UBTD1: variants seen among roughly 807,000 people sequenced by gnomAD.
UBTD1 encodes ubiquitin domain-containing protein 1.
Under a neutral mutation model 21.7 loss-of-function variants are expected in UBTD1, and 19 were observed. That is an observed-to-expected ratio of 0.87 (90% confidence interval 0.61 to 1.28). The LOEUF (loss-of-function observed/expected upper bound fraction) is 1.28. Ranked by LOEUF, UBTD1 falls within the 50% of genes most tolerant of loss-of-function variation. The pLI is 0.00. For missense variants in UBTD1, 282 were observed against 315.1 expected, an observed-to-expected ratio of 0.89 and a Z score of 0.80; for synonymous variants, 116 against 135.1, an observed-to-expected ratio of 0.86 and a Z score of 0.98.
intron 1 of UBTD1, among the ~76,000 whole-genome samples, chr10:97,506,999 GCTCT>G (rs1294092998): frequency 6.6e-6 from 1 of 152,222 alleles, no homozygotes; most frequent in African/African-American, 2.4e-5. Flanking sequence ...AAAGGTGAAT[GCTCT>G]CTGAGTCTCT....
At chr10:97,526,198 A>G (rs1283698664) in intron 1 of UBTD1, among the ~76,000 whole-genome samples, 1 of 152,096 alleles carries the variant, frequency 6.6e-6, no homozygotes, top group Non-Finnish European at 1.5e-5. Flanking sequence ...TCTAACAAGC[A>G]CTCTTGTGCA....
intron 1 of UBTD1, among the ~76,000 whole-genome samples, chr10:97,513,788 C>A (rs1396192372): frequency 1.3e-5 from 2 of 152,056 alleles, no homozygotes; most frequent in Non-Finnish European, 2.9e-5. Flanking sequence ...TTATAGTTCA[C>A]TGCAGCCTTG....
At chr10:97,565,671 G>A (rs759312646) in intron 1 of UBTD1, among the ~76,000 whole-genome samples, 3 of 151,872 alleles carry the variant, frequency 2.0e-5, no homozygotes, top group African/African-American at 7.3e-5. Context: ...AAAGACATCC[G>A]AATCTCAATT....
chr10:97,549,436 C>A (rs879650746), intron 1 of UBTD1, among the ~76,000 whole-genome samples: 1 of 152,252 alleles, frequency 6.6e-6, no homozygotes, highest in Non-Finnish European at 1.5e-5. Context: ...CCATTTCACT[C>A]GCCCGTGCAG....
At chr10:97,502,841 G>A (rs746274455) in intron 1 of UBTD1, among the ~76,000 whole-genome samples, 1 of 147,206 alleles carries the variant, frequency 6.8e-6, no homozygotes, top group Non-Finnish European at 1.5e-5. Context: ...GTGCGTATGT[G>A]TGTATACATA....
chr10:97,540,188 T>G (rs1457308011), intron 1 of UBTD1, among the ~76,000 whole-genome samples: 1 of 152,172 alleles, frequency 6.6e-6, no homozygotes, highest in African/African-American at 2.4e-5. Context: ...TTTTTGTGGG[T>G]TTTTGCTTTA....
intron 1 of UBTD1, among the ~76,000 whole-genome samples, chr10:97,505,883 A>G (rs1050113956): frequency 1.3e-5 from 2 of 152,250 alleles, no homozygotes; most frequent in Non-Finnish European, 2.9e-5. Context: ...CCACTAGATC[A>G]TTGAAGCTTA....
chr10:97,520,260 C>G (rs2040461315), intron 1 of UBTD1, among the ~76,000 whole-genome samples: 1 of 152,124 alleles, frequency 6.6e-6, no homozygotes, highest in Non-Finnish European at 1.5e-5. Flanking sequence ...TTGGATCAAA[C>G]CCTCATGGGG....
At chr10:97,564,721 G>T (rs577241158) in intron 1 of UBTD1, among the ~76,000 whole-genome samples, 7 of 152,172 alleles carry the variant, frequency 4.6e-5, no homozygotes, top group South Asian at 2.1e-4. Context: ...CTGCTGCCAC[G>T]CCCAGCTAAT....
At chr10:97,508,562 T>C (rs2040408639) in intron 1 of UBTD1, among the ~76,000 whole-genome samples, 1 of 152,210 alleles carries the variant, frequency 6.6e-6, no homozygotes, top group Admixed American at 6.5e-5. Context: ...CTCGTTCCAT[T>C]GTGCTGTGAG....
chr10:97,530,874 A>C (rs917811710), intron 1 of UBTD1, among the ~76,000 whole-genome samples: 1 of 151,700 alleles, frequency 6.6e-6, no homozygotes, highest in Non-Finnish European at 1.5e-5. Context: ...TATTTTAAAA[A>C]TTTTTTAAAT....
At chr10:97,562,344 A>C (rs2040696699) in intron 1 of UBTD1, among the ~76,000 whole-genome samples, 1 of 152,208 alleles carries the variant, frequency 6.6e-6, no homozygotes, top group African/African-American at 2.4e-5. Flanking sequence ...GCTTTGTGTG[A>C]GCAATAAAGC....
chr10:97,535,968 A>AATAATTATTATTATT (rs1554865891), intron 1 of UBTD1, among the ~76,000 whole-genome samples: 2 of 90,172 alleles, frequency 2.2e-5, no homozygotes, highest in South Asian at 6.3e-4. Flanking sequence ...GTTGGAGAGA[A>AATAATTATTATTATT]ATTATTATTA....
intron 1 of UBTD1, among the ~76,000 whole-genome samples, chr10:97,554,712 G>C (rs1321057368): frequency 6.6e-6 from 1 of 152,020 alleles, no homozygotes; most frequent in Non-Finnish European, 1.5e-5. Context: ...CACCACACCT[G>C]GCTAATTTTT....
At chr10:97,500,829 G>A (rs979836844) in intron 1 of UBTD1, among the ~76,000 whole-genome samples, 8 of 152,170 alleles carry the variant, frequency 5.3e-5, no homozygotes, top group Non-Finnish European at 1.0e-4. Context: ...ATACCCCTAT[G>A]CTTAAACTTC....
chr10:97,521,105 G>A (rs962824448), intron 1 of UBTD1, among the ~76,000 whole-genome samples: 1 of 152,216 alleles, frequency 6.6e-6, no homozygotes, highest in Non-Finnish European at 1.5e-5. Context: ...TCCCCAGCAC[G>A]AGTGCCTACT....
At chr10:97,521,145 T>A (rs2040465454) in intron 1 of UBTD1, among the ~76,000 whole-genome samples, 1 of 152,178 alleles carries the variant, frequency 6.6e-6, no homozygotes, top group Non-Finnish European at 1.5e-5. Flanking sequence ...AACCTTGTTA[T>A]TTAATCTGTA....
At chr10:97,550,535 C>A (rs567476758) in intron 1 of UBTD1, among the ~76,000 whole-genome samples, 1 of 152,292 alleles carries the variant, frequency 6.6e-6, no homozygotes, top group East Asian at 1.9e-4. Flanking sequence ...TCCTCCACCC[C>A]TCCCCACCTG....
chr10:97,527,424 C>T (rs2040494807), intron 1 of UBTD1, among the ~76,000 whole-genome samples: 2 of 151,488 alleles, frequency 1.3e-5, no homozygotes, highest in South Asian at 4.2e-4. Context: ...GCCCAGAGGC[C>T]CTCACTGATC....
Sources: allele counts gnomAD v4.1 joint callset (sites outside exome capture counted in the v4.1 genomes callset), GRCh38; gene constraint gnomAD v4.1.1; transcripts MANE v1.5; gene names NCBI Gene and HGNC (gene_info 2026-07-23, HGNC 2026-07-21).